KCNQ4: variants seen among roughly 807,000 people sequenced by gnomAD.
The protein encoded by KCNQ4 is potassium voltage-gated channel subfamily KQT member 4.
Under a neutral mutation model 72.6 loss-of-function variants are expected in KCNQ4, and 31 were observed. The ratio of observed to expected loss-of-function variants is 0.43; its 90% CI spans 0.32 to 0.58. The LOEUF (loss-of-function observed/expected upper bound fraction) is 0.58. Ranked by LOEUF, KCNQ4 falls within the 20% of genes least tolerant of loss-of-function variation. The pLI is 0.08. For synonymous variants in KCNQ4, 405 were observed against 403.7 expected, an observed-to-expected ratio of 1.00 and a Z score of -0.04; for missense variants, 869 against 962.6, an observed-to-expected ratio of 0.90 and a Z score of 1.29.
chr1:40,788,648 CCACAGCCTCAGCTAGCAG>C lies in KCNQ4; in HGVS notation c.314+4245_314+4262del. Among the ~76,000 whole-genome samples the C allele has an allele frequency of 6.6e-6, 1 of 152,320 alleles. No homozygotes were observed. Among genetic ancestry groups the C allele is most frequent in the South Asian group, 2.1e-4 (1 of 4,826 alleles). ...TGACTGGGAGCTGTTGCGCTCAGCACCACAGCCTCAGCTAGCAGCACCCCAAGTCCAGGCTCCTCAAGA... is the reference window on the plus strand; with the variant it reads ...TGACTGGGAGCTGTTGCGCTCAGCACCACCCCAAGTCCAGGCTCCTCAAGA... On this transcript the variant is annotated intron_variant, in intron 1 of 13. Coordinates refer to ENST00000347132, the MANE Select transcript of KCNQ4 (RefSeq NM_004700.4). The surrounding 1 kb of genome is among the most constrained non-coding windows in gnomAD (Gnocchi z 4.5).
At chr1:40,793,829 C>A (rs1342260316) in intron 1 of KCNQ4, among the ~76,000 whole-genome samples, 1 of 152,318 alleles carries the variant, frequency 6.6e-6, no homozygotes, top group East Asian at 1.9e-4. Flanking sequence ...TGAGCACCAC[C>A]TCTTCTTGGA....
At chr1:40,795,551 T>C (rs1647388399) in intron 1 of KCNQ4, among the ~76,000 whole-genome samples, 1 of 152,126 alleles carries the variant, frequency 6.6e-6, no homozygotes, top group South Asian at 2.1e-4. Context: ...CATGAGCCAC[T>C]GCACCCAGCC....
At chr1:40,798,127 C>G (rs928254492) in intron 1 of KCNQ4, among the ~76,000 whole-genome samples, 1 of 152,118 alleles carries the variant, frequency 6.6e-6, no homozygotes, top group Admixed American at 6.5e-5. Flanking sequence ...AATCATTGGT[C>G]TCACCCAGCC....
chr1:40,837,774 G>C lies in KCNQ4; in HGVS notation c.1855G>C (p.Val619Leu), dbSNP rs1370815453. Reference protein sequence around the residue: ...VVDEISMMGRVVKVEKQVQSI... With the variant: ...VVDEISMMGRLVKVEKQVQSI... Reference sequence around the variant, plus strand: ...GGATGAAATCAGCATGATGGGACGCGTGGTCAAGGTGGAGAAGCAGGTGAG... The same window carrying C: ...GGATGAAATCAGCATGATGGGACGCCTGGTCAAGGTGGAGAAGCAGGTGAG... Residue 619 changes from valine to leucine, a missense_variant, in exon 13 of 14, where the codon GTG becomes CTG. This residue lies in a region of KCNQ4 where 480 missense variants were observed against 501.9 expected (regional missense o/e 0.96). Coordinates refer to ENST00000347132, the MANE Select transcript of KCNQ4 (RefSeq NM_004700.4). The C allele has an allele frequency of 1.2e-6, 2 of 1,609,580 alleles. No homozygotes were observed. The highest frequency in any genetic ancestry group is 2.7e-5 in the African/African-American group (2 of 74,874).
intron 1 of KCNQ4, among the ~76,000 whole-genome samples, chr1:40,785,495 T>C (rs954495261): frequency 2.6e-5 from 4 of 152,198 alleles, no homozygotes; most frequent in African/African-American, 9.7e-5. Context: ...CCTGACTGTC[T>C]AGCAGCCCTC....
intron 1 of KCNQ4, among the ~76,000 whole-genome samples, chr1:40,799,444 G>C (rs1038459191): frequency 1.4e-5 from 2 of 143,728 alleles, no homozygotes; most frequent in Non-Finnish European, 3.0e-5. Flanking sequence ...CCCCCCCCTC[G>C]CTAGGCAGTA....
Position 40,818,300 on chromosome 1 carries a change from C to T in KCNQ4, c.532+10C>T. The T allele has an allele frequency of 6.2e-7, 1 of 1,613,440 alleles. No individual in the cohort carries two copies. ...CCCTTCTGTGTCATCGGTAATGAGG[C>T]GCGCCCCGCCCGACCTGACCCCTGA... is the stretch of plus-strand genomic sequence containing the variant. On this transcript the variant is annotated intron_variant, in intron 3 of 13. Coordinates refer to ENST00000347132, the MANE Select transcript of KCNQ4 (RefSeq NM_004700.4).
intron 1 of KCNQ4, among the ~76,000 whole-genome samples, chr1:40,786,294 C>G (rs1647202427): frequency 6.6e-6 from 1 of 152,212 alleles, no homozygotes; most frequent in African/African-American, 2.4e-5. Context: ...CCAGGCTTGG[C>G]CTTACAGCCC....
At chr1:40,795,809 A>G (rs898374012) in intron 1 of KCNQ4, among the ~76,000 whole-genome samples, 1 of 152,200 alleles carries the variant, frequency 6.6e-6, no homozygotes, top group Non-Finnish European at 1.5e-5. Flanking sequence ...GAACTCTAGG[A>G]AAAGAATGCA....
At chr1:40,816,094 C>T (rs143649036) in intron 1 of KCNQ4, among the ~76,000 whole-genome samples, 7 of 152,248 alleles carry the variant, frequency 4.6e-5, no homozygotes, top group East Asian at 1.9e-4. Context: ...AGCAGAGTCT[C>T]GCAGGCACAG....
In KCNQ4 at chr1:40,838,653, T is replaced by C. The variant is rs1035485962; in HGVS notation, c.*130T>C. Reference sequence around the variant, plus strand: ...ACGGGGAGAGAGACCACACGCAGTATTGAGCTGCCTGAGTGGGCGTGGTAC... The same window carrying C: ...ACGGGGAGAGAGACCACACGCAGTACTGAGCTGCCTGAGTGGGCGTGGTAC... On this transcript the variant is annotated 3_prime_UTR_variant, in exon 14 of 14. Transcript: ENST00000347132. 1.3e-4 allele frequency: 117 copies of C among 878,254 alleles called. No homozygotes were observed. Among genetic ancestry groups the C allele is most frequent in the Non-Finnish European group, 1.6e-4 (87 of 540,656 alleles). 54.4% of individuals were successfully genotyped at this position (878,254 alleles called of 1,614,324 possible). A position where few individuals can be genotyped will look rare whatever the true frequency, so the allele number is the denominator to read the frequency against.
At chr1:40,790,636 C>A (rs547367040) in intron 1 of KCNQ4, among the ~76,000 whole-genome samples, 2 of 152,194 alleles carry the variant, frequency 1.3e-5, no homozygotes, top group East Asian at 1.9e-4. Flanking sequence ...GGGGATGTCA[C>A]CCAGCTCATG....
rs117454397 is a variant in KCNQ4, at chr1:40,834,829, C to T, written c.1614-138C>T. On this transcript the variant is annotated intron_variant, in intron 11 of 13. Coordinates refer to ENST00000347132, the MANE Select transcript of KCNQ4 (RefSeq NM_004700.4). ...CTTGGAGGTAGGGGAGGCTGGGAGA[C>T]GCAGCAGAGGCTGTTCATGGTGGCC... The T allele has an allele frequency of 2.7e-3, 3,088 of 1,137,234 alleles. 104 individuals carry two copies. The East Asian group carries it at 0.071, about 26-fold the overall frequency. 70.4% of individuals were successfully genotyped at this position (1,137,234 alleles called of 1,614,324 possible).
chr1:40,786,382 C>T (rs75140687), intron 1 of KCNQ4, among the ~76,000 whole-genome samples: 15 of 152,304 alleles, frequency 9.8e-5, no homozygotes, highest in Non-Finnish European at 1.2e-4. Context: ...TTGAAAGGAC[C>T]GCCCCTTCCT....
At chr1:40,833,437 G>A (rs75407434) in intron 11 of KCNQ4, among the ~76,000 whole-genome samples, 9,587 of 152,054 alleles carry the variant, frequency 0.063, 350 homozygotes, top group East Asian at 0.088. Flanking sequence ...TTTATGGTGG[G>A]TCTTGGTCAA....
In KCNQ4 at chr1:40,819,913, G is replaced by A. The variant is rs12117176; in HGVS notation, c.873G>A (p.Pro291=). The change falls in exon 6 of 14, where the codon CCG becomes CCA. Residue 291 remains proline (P), a synonymous_variant. Transcript: ENST00000347132. ...CCATCGGCTATGGTGACAAGACACC[G>A]CACACATGGCTGGGCAGGGTCCTGG... ...LTTIGYGDKT[P]HTWLGRVLAA... 0.093 allele frequency: 149,670 copies of A among 1,611,670 alleles called. 7,857 individuals carry two copies. The highest frequency in any genetic ancestry group is 0.19 in the East Asian group (8,606 of 44,834).
At chr1:40,785,528 G>A (rs1205272330) in intron 1 of KCNQ4, among the ~76,000 whole-genome samples, 1 of 152,088 alleles carries the variant, frequency 6.6e-6, no homozygotes, top group Non-Finnish European at 1.5e-5. Flanking sequence ...CTGTCCCTCT[G>A]CCAGCCTGAG....
chr1:40,809,126 T>A (rs755436748), intron 1 of KCNQ4, among the ~76,000 whole-genome samples: 2 of 152,310 alleles, frequency 1.3e-5, no homozygotes, highest in African/African-American at 2.4e-5. Flanking sequence ...CTACTCCCGC[T>A]TTGAAACATG....
At chr1:40,823,209 T>G (rs375269872) in intron 8 of KCNQ4, among the ~76,000 whole-genome samples, 1 of 152,124 alleles carries the variant, frequency 6.6e-6, no homozygotes, top group East Asian at 1.9e-4. Flanking sequence ...CTCCCAGCCC[T>G]AGGGGCTTCC....
Sources: allele counts gnomAD v4.1 joint callset (sites outside exome capture counted in the v4.1 genomes callset), GRCh38; gene constraint gnomAD v4.1.1; regional missense constraint gnomAD v4.1.1; non-coding constraint Gnocchi (gnomAD v3.1); transcripts MANE v1.5; gene names NCBI Gene and HGNC (gene_info 2026-07-23, HGNC 2026-07-21).